TBC1D9: variants seen among roughly 807,000 people sequenced by gnomAD.
TBC1D9 encodes TBC1 domain family member 9A.
In TBC1D9, 63 loss-of-function variants were observed where a neutral mutation model predicts 132.0. That is an observed-to-expected ratio of 0.48 (90% CI 0.39 to 0.59). The LOEUF is 0.59. TBC1D9 is among the 20% of genes least tolerant of loss of function. TBC1D9 has a pLI of 0.00. For missense variants in TBC1D9, 1,261 were observed against 1,592.7 expected (o/e 0.79, Z 3.54); for synonymous variants, 610 against 609.9 (o/e 1.00, Z 0.00).
At position 140,756,155 on chromosome 4, in the gene TBC1D9, G is replaced by T; in HGVS notation, c.-110C>A. ...CACACGCGCGCCCGCCCGCCCGTCC[G>T]CTAGGTGCGGCGGCGGCGGCGGCAG... On this transcript the variant is annotated 5_prime_UTR_variant, in exon 1 of 21. Transcript: ENST00000442267. The surrounding 1 kb of genome is among the most constrained non-coding windows in gnomAD (Gnocchi z 5.6). 1 of 877,790 alleles carries T rather than the reference G, an allele frequency of 1.1e-6. No individual in the cohort carries two copies. The highest frequency in any genetic ancestry group is 1.5e-6 in the Non-Finnish European group (1 of 648,398). 54.4% of individuals were successfully genotyped at this position (877,790 alleles called of 1,614,324 possible).
chr4:140,644,762 G>C, intron 13 of TBC1D9: 1 of 401,646 alleles, frequency 2.5e-6, no homozygotes, highest in South Asian at 2.0e-5. Context: ...CTGCAGCCTG[G>C]AGAGTACAGG....
intron 1 of TBC1D9, among the ~76,000 whole-genome samples, chr4:140,708,938 T>C (rs1738187561): frequency 6.6e-6 from 1 of 152,208 alleles, no homozygotes; most frequent in South Asian, 2.1e-4. Context: ...AGGGCATGGA[T>C]AGACATGTAA....
In TBC1D9 at chr4:140,698,748, G is replaced by A. The variant is rs144839992; in HGVS notation, c.241+2756C>T. On this transcript the variant is annotated intron_variant, in intron 2 of 20. Transcript: ENST00000442267. ...GTGAGACTCCATCTCGGGGGTGGGG[G>A]GGGGAAAGACATAATTACAATGTTA... Among the ~76,000 whole-genome samples, 649 of 151,490 alleles carry A rather than the reference G, an allele frequency of 4.3e-3. 3 individuals carry two copies. Among genetic ancestry groups the A allele is most frequent in the African/African-American group, 0.015 (614 of 41,240 alleles).
At chr4:140,685,965 G>A (rs959597982) in intron 3 of TBC1D9, among the ~76,000 whole-genome samples, 2 of 152,140 alleles carry the variant, frequency 1.3e-5, no homozygotes, top group African/African-American at 2.4e-5. Flanking sequence ...CTATTTCAAA[G>A]TAGCTAGAAG....
chr4:140,639,334 T>A lies in TBC1D9; in HGVS notation c.2432A>T (p.Asn811Ile). ...IQTLEDTTKR[N>I]VVRTIVTETS... is the part of the protein sequence containing the mutation. Reference sequence around the variant, plus strand: ...GCTACTTCTTAAAGGACTTACCACGTTGCGTTTCGTAGTATCCTCCAGCGT... The same window carrying A: ...GCTACTTCTTAAAGGACTTACCACGATGCGTTTCGTAGTATCCTCCAGCGT... The change falls in exon 14 of 21, where the codon AAC becomes ATC. Residue 811 changes from asparagine (N) to isoleucine (I), a missense_variant. Transcript: ENST00000442267. 6.2e-7 allele frequency: 1 copy of A among 1,609,826 alleles called. No individual in the cohort carries two copies. The highest frequency in any genetic ancestry group is 8.5e-7 in the Non-Finnish European group (1 of 1,177,706).
At chr4:140,718,303 AC>A (rs1738369531) in intron 1 of TBC1D9, among the ~76,000 whole-genome samples, 1 of 150,768 alleles carries the variant, frequency 6.6e-6, no homozygotes, top group Admixed American at 6.6e-5. Flanking sequence ...GACTCACAGG[AC>A]ATTTGCCTGA....
intron 1 of TBC1D9, among the ~76,000 whole-genome samples, chr4:140,737,227 G>A (rs1193777172): frequency 6.6e-6 from 1 of 152,058 alleles, no homozygotes; most frequent in Non-Finnish European, 1.5e-5. Flanking sequence ...CTTGGGGTTT[G>A]GGGACCCCTG....
At chr4:140,652,276 A>G (rs1018600379) in intron 13 of TBC1D9, among the ~76,000 whole-genome samples, 1 of 152,052 alleles carries the variant, frequency 6.6e-6, no homozygotes, top group African/African-American at 2.4e-5. Context: ...TTGTTAATAC[A>G]TGAATAGACA....
At position 140,657,577 on chromosome 4, in the gene TBC1D9, G is replaced by T. The variant is rs752034811; in HGVS notation, c.2157C>A (p.Asp719Glu). The T allele has an allele frequency of 1.9e-6, 3 of 1,613,960 alleles. No individual in the cohort carries two copies. Among genetic ancestry groups the T allele is most frequent in the Non-Finnish European group, 1.7e-6 (2 of 1,179,882 alleles). The change falls in exon 12 of 21, where the codon GAC becomes GAA. Residue 719 changes from aspartate to glutamate, a missense_variant. By Grantham distance (45) the Asp-to-Glu change is conservative (BLOSUM62 2). Around this residue, in one of 3 missense-constraint regions of TBC1D9, gnomAD observed 618 missense variants for 724.4 expected, o/e 0.85. Coordinates refer to ENST00000442267, the MANE Select transcript of TBC1D9 (RefSeq NM_015130.3). ...LALAVLDANV[D>E]KLLNCKDDGE... ...CATCATCCTTGCAGTTCAACAGTTT[G>T]TCCACATTTGCATCCAGCACAGCTA...
intron 2 of TBC1D9, among the ~76,000 whole-genome samples, chr4:140,687,052 G>T (rs1245248719): frequency 6.6e-6 from 1 of 151,916 alleles, no homozygotes; most frequent in Non-Finnish European, 1.5e-5. Context: ...CATCCTTGCA[G>T]CCTCAACCAA....
At chr4:140,707,502 T>C (rs1308952642) in intron 1 of TBC1D9, among the ~76,000 whole-genome samples, 1 of 152,238 alleles carries the variant, frequency 6.6e-6, no homozygotes, top group African/African-American at 2.4e-5. Flanking sequence ...CCTGGCTTAC[T>C]ATCTGCGAAG....
chr4:140,626,088 C>T (rs1736706342), intron 18 of TBC1D9, among the ~76,000 whole-genome samples: 1 of 152,118 alleles, frequency 6.6e-6, no homozygotes, highest in Admixed American at 6.6e-5. Context: ...AGATGTATGT[C>T]TACTAAGAAA....
At chr4:140,644,238 T>A in intron 13 of TBC1D9, 1 of 318,818 alleles carries the variant, frequency 3.1e-6, no homozygotes, top group Non-Finnish European at 6.2e-6. Context: ...GGCTTCCTTA[T>A]CCAACTCCAA....
At chr4:140,724,714 G>A (rs1481670074) in intron 1 of TBC1D9, among the ~76,000 whole-genome samples, 12 of 149,610 alleles carry the variant, frequency 8.0e-5, no homozygotes, top group African/African-American at 2.9e-4. Context: ...TTCCTAAATT[G>A]GTCAATAAGA....
intron 3 of TBC1D9, among the ~76,000 whole-genome samples, chr4:140,680,118 G>A (rs1737682121): frequency 6.6e-6 from 1 of 152,160 alleles, no homozygotes; most frequent in Admixed American, 6.5e-5. Flanking sequence ...TACAAATGAA[G>A]AGATACAAAG....
At chr4:140,702,010 G>C (rs2111040161) in intron 1 of TBC1D9, among the ~76,000 whole-genome samples, 1 of 152,344 alleles carries the variant, frequency 6.6e-6, no homozygotes, top group South Asian at 2.1e-4. Context: ...AAGTGGAGAA[G>C]AAGGTCAGGC....
chr4:140,710,730 T>G (rs1434530448), intron 1 of TBC1D9, among the ~76,000 whole-genome samples: 1 of 152,120 alleles, frequency 6.6e-6, no homozygotes, highest in African/African-American at 2.4e-5. Flanking sequence ...TTCCTTCTCC[T>G]GGGTGGGGGG....
intron 1 of TBC1D9, among the ~76,000 whole-genome samples, chr4:140,707,150 A>G (rs752484742): frequency 3.9e-4 from 59 of 151,742 alleles, no homozygotes; most frequent in African/African-American, 1.1e-3. Context: ...ATTTTCACCA[A>G]TCTCTAGAGT....
chr4:140,721,947 T>C (rs1010191791), intron 1 of TBC1D9, among the ~76,000 whole-genome samples: 6 of 152,130 alleles, frequency 3.9e-5, no homozygotes, highest in Non-Finnish European at 7.4e-5. Context: ...GCTGAGCCCT[T>C]ACCAGACTCC....
Sources: allele counts gnomAD v4.1 joint callset (sites outside exome capture counted in the v4.1 genomes callset), GRCh38; gene constraint gnomAD v4.1.1; regional missense constraint gnomAD v4.1.1; non-coding constraint Gnocchi (gnomAD v3.1); transcripts MANE v1.5; gene names NCBI Gene and HGNC (gene_info 2026-07-23, HGNC 2026-07-21).